PPP1R7: variants seen among roughly 807,000 people sequenced by gnomAD.
The protein encoded by PPP1R7 is protein phosphatase 1 regulatory subunit 22.
PPP1R7 carries 18 observed loss-of-function variants against 45.2 expected under a neutral mutation model. That is an observed-to-expected ratio of 0.40 (90% confidence interval 0.28 to 0.59). The LOEUF (loss-of-function observed/expected upper bound fraction) is 0.59, where lower values mean the gene tolerates loss of function less well. Among genes scored for constraint, PPP1R7 ranks in the 20% least tolerant of loss-of-function variants. PPP1R7 has a pLI of 0.46. For synonymous variants in PPP1R7, 181 were observed against 183.4 expected (o/e 0.99, Z 0.11); for missense variants, 314 against 455.8 (o/e 0.69, Z 2.83).
rs146768119 is a variant in PPP1R7, at chr2:241,163,881, C to T, written c.714+480C>T. Among the ~76,000 whole-genome samples, 423 of 151,432 alleles carry T rather than the reference C, an allele frequency of 2.8e-3. 7 individuals are homozygous for T. The highest frequency in any genetic ancestry group is 1.1e-3 in the South Asian group (5 of 4,760). On this transcript the variant is annotated intron_variant, in intron 7 of 9. Coordinates refer to ENST00000234038, the MANE Select transcript of PPP1R7 (RefSeq NM_002712.3). ...CTTCCTGCCTTGGCCACCCAAAATGCTGGGTTTACAAGCATGAGTCACCAC... is the reference window on the plus strand; with the variant it reads ...CTTCCTGCCTTGGCCACCCAAAATGTTGGGTTTACAAGCATGAGTCACCAC...
At chr2:241,169,484 G>A (rs1575401141) in intron 8 of PPP1R7, among the ~76,000 whole-genome samples, 2 of 152,344 alleles carry the variant, frequency 1.3e-5, no homozygotes, top group Admixed American at 6.5e-5. Context: ...CACTAGGTCT[G>A]TCTCAATGGA....
upstream of PPP1R7, chr2:241,149,910 C>T (rs955071035): frequency 1.4e-6 from 2 of 1,434,206 alleles, no homozygotes; most frequent in South Asian, 1.5e-5. Flanking sequence ...GCAAGTGCCC[C>T]GCACCTGCCC....
chr2:241,159,492 C>A, intron 5 of PPP1R7, 149 bp downstream of exon 5: 1 of 1,041,184 alleles, frequency 9.6e-7, no homozygotes, highest in Non-Finnish European at 1.3e-6. Context: ...AATCCCAAGT[C>A]TCTGCCTCCT....
intron 4 of PPP1R7, 22 bp from the exon 5 acceptor site, chr2:241,159,191 T>C: frequency 1.2e-6 from 2 of 1,611,410 alleles, no homozygotes; most frequent in Middle Eastern, 1.7e-4. Flanking sequence ...CTGTGTCAAT[T>C]GTCCCTTTTC....
At chr2:241,160,669 C>T (rs1477851082) in intron 6 of PPP1R7, among the ~76,000 whole-genome samples, 175 bp downstream of exon 6, 14 of 152,200 alleles carry the variant, frequency 9.2e-5, no homozygotes, top group Admixed American at 7.2e-4. Flanking sequence ...AACTGAAAGT[C>T]AGTATCAGTA....
intron 7 of PPP1R7, among the ~76,000 whole-genome samples, chr2:241,164,917 G>A (rs972533274): frequency 2.6e-5 from 4 of 151,748 alleles, no homozygotes; most frequent in South Asian, 2.1e-4. Context: ...GCATGGTGGC[G>A]GGCGCCTGTA....
intron 1 of PPP1R7, 142 bp downstream of exon 1, chr2:241,150,689 CCGGGGGAGCGGGGGAGGCGCTGGACCT>C (rs1395472542): frequency 3.5e-4 from 442 of 1,271,092 alleles, no homozygotes; most frequent in Non-Finnish European, 4.2e-4. Flanking sequence ...ACAGCCGGAC[CCGGGGGAGCGGGGGAGGCGCTGGACCT>C]CGGGGGAGCC....
At chr2:241,180,410 A>AAG (rs1464433528) in intron 9 of PPP1R7, among the ~76,000 whole-genome samples, 1 of 148,562 alleles carries the variant, frequency 6.7e-6, no homozygotes, top group Non-Finnish European at 1.5e-5. Context: ...AAAAAAAAAA[A>AAG]GTGAAAAAAT....
At position 241,182,886 on chromosome 2, in the gene PPP1R7, AC is replaced by A; in HGVS notation, c.*66del. 6.4e-7 allele frequency: 1 copy of A among 1,553,780 alleles called. No individual in the cohort carries two copies. Among genetic ancestry groups the A allele is most frequent in the South Asian group, 1.2e-5 (1 of 85,514 alleles). ...AGAACTGCCCAGCCACGGGTTTTTAACCCACCTGTTGCTCCTGAGGTCGTCA... is the reference window on the plus strand; with the variant it reads ...AGAACTGCCCAGCCACGGGTTTTTAACCACCTGTTGCTCCTGAGGTCGTCA... On this transcript the variant is annotated 3_prime_UTR_variant, in exon 10 of 10. Coordinates refer to ENST00000234038, the MANE Select transcript of PPP1R7 (RefSeq NM_002712.3).
chr2:241,160,336 C>T lies in PPP1R7; in HGVS notation c.439C>T (p.Leu147=). ...NLEALTELEI[L]DISFNLLRNI... is the part of the protein sequence containing the mutation. ...AACTGTTTTGGTTGTTCTCAGGATT[C>T]TAGATATTTCTTTTAATCTGCTGAG... Residue 147 remains leucine, a synonymous_variant, in exon 6 of 10, where the codon CTA becomes TTA. Coordinates refer to ENST00000234038, the MANE Select transcript of PPP1R7 (RefSeq NM_002712.3). 1 of 1,593,762 alleles carries T rather than the reference C, an allele frequency of 6.3e-7. No individual in the cohort carries two copies. Among genetic ancestry groups the T allele is most frequent in the Non-Finnish European group, 8.5e-7 (1 of 1,174,344 alleles).
Position 241,182,920 on chromosome 2 carries a change from AAC to A in PPP1R7, c.*99_*100del, listed in dbSNP as rs2068030005. 1 of 1,364,298 alleles carries A rather than the reference AAC, an allele frequency of 7.3e-7. No individual in the cohort carries two copies. The highest frequency in any genetic ancestry group is 2.5e-5 in the East Asian group (1 of 40,698). The allele number at this position is 1,364,298 out of a possible 1,614,324, so 84.5% of individuals were successfully genotyped here. ...TTGCTCCTGAGGTCGTCACTATATC[AAC>A]AGTCACAAACCCAATGGCAATAAAG... On this transcript the variant is annotated 3_prime_UTR_variant, in exon 10 of 10. Transcript: ENST00000234038.
intron 4 of PPP1R7, 161 bp from the exon 5 acceptor site, chr2:241,159,052 C>A: frequency 1.2e-6 from 1 of 857,740 alleles, no homozygotes; most frequent in Non-Finnish European, 1.8e-6. Flanking sequence ...GTGCCCTTGC[C>A]CACCTGCCTC....
intron 5 of PPP1R7, 60 bp downstream of exon 5, chr2:241,159,403 C>G: frequency 3.1e-6 from 5 of 1,590,714 alleles, no homozygotes; most frequent in South Asian, 2.2e-5. Context: ...TGGGGGGTGT[C>G]CAGTCTCCAG....
chr2:241,176,331 T>TA (rs1553623219), intron 9 of PPP1R7, among the ~76,000 whole-genome samples: 1 of 152,220 alleles, frequency 6.6e-6, no homozygotes, highest in Non-Finnish European at 1.5e-5. Flanking sequence ...GATGCAGGGC[T>TA]AACATCCTTA....
intron 9 of PPP1R7, among the ~76,000 whole-genome samples, chr2:241,174,329 G>A (rs7574479): frequency 0.22 from 33,431 of 152,076 alleles, 5,634 homozygotes; most frequent in East Asian, 0.61. Context: ...CTGCTTAGTA[G>A]TTCTTCGACC....
intron 9 of PPP1R7, 35 bp from the exon 10 acceptor site, chr2:241,182,612 G>C (rs1285723769): frequency 2.5e-5 from 40 of 1,609,154 alleles, no homozygotes; most frequent in Non-Finnish European, 3.3e-5. Flanking sequence ...TGGGCTGTTT[G>C]GTTCTAAAGG....
intron 9 of PPP1R7, among the ~76,000 whole-genome samples, chr2:241,173,097 C>T (rs980245048): frequency 4.6e-5 from 7 of 151,884 alleles, no homozygotes; most frequent in African/African-American, 1.7e-4. Context: ...CATGGCGAAA[C>T]CCCGTCTCAA....
intron 5 of PPP1R7, 120 bp downstream of exon 5, chr2:241,159,463 G>T: frequency 7.6e-7 from 1 of 1,312,826 alleles, no homozygotes; most frequent in South Asian, 1.4e-5. Flanking sequence ...CTCTGCCACA[G>T]GGTCCTGCCC....
chr2:241,160,244 G>C (rs1177830219), intron 5 of PPP1R7, 88 bp from the exon 6 acceptor site: 3 of 1,138,650 alleles, frequency 2.6e-6, no homozygotes. Flanking sequence ...TCCCCTGATG[G>C]GGACGCCACC....
Sources: allele counts gnomAD v4.1 joint callset (sites outside exome capture counted in the v4.1 genomes callset), GRCh38; gene constraint gnomAD v4.1.1; transcripts MANE v1.5; gene names NCBI Gene and HGNC (gene_info 2026-07-23, HGNC 2026-07-21).